The following BAZ1B variants were observed in gnomAD, a reference collection of about 807,000 sequenced individuals.
The protein encoded by BAZ1B is bromodomain adjacent to zinc finger domain 1B.
BAZ1B carries 22 observed loss-of-function variants against 153.8 expected under a neutral mutation model. The observed-to-expected ratio is 0.14, with a 90% CI of 0.10 to 0.20. The LOEUF (loss-of-function observed/expected upper bound fraction) is 0.20, where lower values mean the gene tolerates loss of function less well. BAZ1B is among the 10% of genes least tolerant of loss of function. The pLI is 1.00. For synonymous variants in BAZ1B, 676 were observed against 633.4 expected (o/e 1.07, Z -1.01); for missense variants, 1,325 against 1,799.3 (o/e 0.74, Z 4.77).
intron 1 of BAZ1B, among the ~76,000 whole-genome samples, chr7:73,513,442 CTAA>C (rs1790665625): frequency 6.6e-6 from 1 of 152,092 alleles, no homozygotes; most frequent in African/African-American, 2.4e-5. Context: ...AGGGGTGGTG[CTAA>C]TATCTAAGTG....
rs1487783493 is a variant in BAZ1B at position 73,477,597 on chromosome 7, C to G, written c.1864G>C (p.Gly622Arg). 6.2e-7 allele frequency: 1 copy of G among 1,614,036 alleles called. No homozygotes were observed. Among genetic ancestry groups the G allele is most frequent in the Admixed American group, 1.7e-5 (1 of 59,994 alleles). ...TACTGAGCATCTGGTAAAAGTAGCCCAGAATAACAGCTCAAGAATTCCACC... is the reference window on the plus strand; with the variant it reads ...TACTGAGCATCTGGTAAAAGTAGCCGAGAATAACAGCTCAAGAATTCCACC... ...MVVEFLSCYS[G>R]LLLPDAQYPI... Residue 622 changes from glycine to arginine, a missense_variant, in exon 7 of 20, where the codon GGG (glycine) becomes CGG (arginine). Transcript: ENST00000339594. The surrounding 1 kb of genome is among the most constrained non-coding windows in gnomAD (Gnocchi z 5.6).
chr7:73,449,734 C>T (rs1787966061), intron 14 of BAZ1B, 45 bp from the exon 15 acceptor site: 1 of 1,598,544 alleles, frequency 6.3e-7, no homozygotes, highest in Admixed American at 1.7e-5. Context: ...AGCACAGCAG[C>T]AGTCAATGAG....
intron 3 of BAZ1B, among the ~76,000 whole-genome samples, chr7:73,506,267 G>C (rs782486595): frequency 7.3e-5 from 11 of 150,866 alleles, no homozygotes; most frequent in African/African-American, 1.2e-4. Context: ...GGGAGGCCGA[G>C]ACAGGTGGAT....
intron 1 of BAZ1B, among the ~76,000 whole-genome samples, chr7:73,518,236 C>T (rs1473504600): frequency 6.8e-6 from 1 of 146,998 alleles, no homozygotes; most frequent in South Asian, 2.1e-4. Context: ...CCCATCTCTA[C>T]TAAAAATACC....
chr7:73,494,706 A>T (rs1789804974), intron 4 of BAZ1B, among the ~76,000 whole-genome samples: 1 of 151,934 alleles, frequency 6.6e-6, no homozygotes, highest in African/African-American at 2.4e-5. Flanking sequence ...CTATGATCAC[A>T]CCACTGCACA....
chr7:73,515,883 G>C (rs1554579208), intron 1 of BAZ1B, among the ~76,000 whole-genome samples: 1 of 152,126 alleles, frequency 6.6e-6, no homozygotes, highest in African/African-American at 2.4e-5. Flanking sequence ...GGTGGCTCAC[G>C]CCTGTAATCC....
At chr7:73,468,069 T>G (rs923552899) in intron 9 of BAZ1B, among the ~76,000 whole-genome samples, 4 of 152,250 alleles carry the variant, frequency 2.6e-5, no homozygotes, top group African/African-American at 9.6e-5. Context: ...GGAATTTCTC[T>G]AAAATGAATT....
intron 1 of BAZ1B, among the ~76,000 whole-genome samples, chr7:73,518,367 C>T (rs868976255): frequency 1.3e-5 from 2 of 151,494 alleles, no homozygotes; most frequent in South Asian, 4.1e-4. Flanking sequence ...GAGCCTAGAT[C>T]GCGCCACTGC....
intron 8 of BAZ1B, 143 bp from the exon 9 acceptor site, chr7:73,469,793 A>G (rs886728110): frequency 1.1e-6 from 1 of 921,684 alleles, no homozygotes; most frequent in African/African-American, 1.7e-5. Context: ...AACTCTAGAC[A>G]GATAAAAATT....
At chr7:73,473,526 C>T (rs1351698545) in intron 7 of BAZ1B, among the ~76,000 whole-genome samples, 2 of 152,050 alleles carry the variant, frequency 1.3e-5, no homozygotes, top group African/African-American at 4.8e-5. Context: ...GCACTCCAGC[C>T]TGAGCGACAG....
intron 6 of BAZ1B, among the ~76,000 whole-genome samples, chr7:73,485,317 T>C (rs760148889): frequency 2.6e-5 from 4 of 151,986 alleles, no homozygotes; most frequent in Admixed American, 6.6e-5. Context: ...AAATAATTCG[T>C]GTGTATATAG....
chr7:73,501,069 C>T (rs1166192376), intron 3 of BAZ1B, among the ~76,000 whole-genome samples: 3 of 152,018 alleles, frequency 2.0e-5, no homozygotes, highest in African/African-American at 7.2e-5. Flanking sequence ...CCAGCCTGAC[C>T]AACATGGAGA....
At chr7:73,456,392 T>G (rs569758777) in intron 13 of BAZ1B, among the ~76,000 whole-genome samples, 1 of 152,166 alleles carries the variant, frequency 6.6e-6, no homozygotes, top group East Asian at 1.9e-4. Context: ...GAGAATATAT[T>G]TGCAAATCAT....
chr7:73,522,229 G>C lies in BAZ1B; in HGVS notation c.-296C>G, dbSNP rs1791093151. 2.6e-6 allele frequency: 1 copy of C among 385,102 alleles called. No individual in the cohort carries two copies. The highest frequency in any genetic ancestry group is 4.6e-6 in the Non-Finnish European group (1 of 217,294). The allele number at this position is 385,102 out of a possible 1,614,324, so 23.9% of individuals were successfully genotyped here. A position where few individuals can be genotyped will look rare whatever the true frequency, so the allele number is the denominator to read the frequency against. ...TCACGACTCCTCCTCAGCAGCACCG[G>C]AGGAAATTATTGAAAAATGGCGGGA... On this transcript the variant is annotated 5_prime_UTR_variant, in exon 1 of 20. Transcript: ENST00000339594.
At chr7:73,469,275 C>A (rs1053467022) in intron 9 of BAZ1B, among the ~76,000 whole-genome samples, 3 of 152,068 alleles carry the variant, frequency 2.0e-5, no homozygotes, top group Admixed American at 6.6e-5. Context: ...AGCTAATACC[C>A]AAATATCCTC....
chr7:73,481,826 A>G (rs1789212769), intron 6 of BAZ1B, among the ~76,000 whole-genome samples: 1 of 152,092 alleles, frequency 6.6e-6, no homozygotes. Context: ...TCACGAGGTC[A>G]AGAGATCGAG....
chr7:73,464,331 A>G (rs782139933), intron 11 of BAZ1B: 8 of 166,570 alleles, frequency 4.8e-5, no homozygotes, highest in Non-Finnish European at 9.9e-5. Flanking sequence ...CTTTGTAGAC[A>G]GAACAGGGTT....
chr7:73,506,326 G>GAAAA (rs1790339521), intron 3 of BAZ1B, among the ~76,000 whole-genome samples: 2 of 151,746 alleles, frequency 1.3e-5, no homozygotes, highest in African/African-American at 4.8e-5. Context: ...GTGAAACCCC[G>GAAAA]TCTCTATTAA....
chr7:73,469,379 A>T, intron 9 of BAZ1B, 138 bp downstream of exon 9: 2 of 1,045,482 alleles, frequency 1.9e-6, no homozygotes, highest in Non-Finnish European at 1.4e-6. Flanking sequence ...TTTCACATCT[A>T]CCTACTTCAC....
Sources: gnomAD v4.1 joint callset for allele counts (sites outside exome capture counted in the v4.1 genomes callset) on GRCh38, gnomAD v4.1.1 for gene constraint, Gnocchi (gnomAD v3.1) non-coding constraint, MANE v1.5 for transcripts, NCBI Gene and HGNC (gene_info 2026-07-23, HGNC 2026-07-21) for gene names.